RIC1: variants seen among roughly 807,000 people sequenced by gnomAD.
RIC1 encodes RIC1 partner of RAB6A GEF complex.
RIC1 carries 88 observed loss-of-function variants against 169.0 expected under a neutral mutation model. The observed-to-expected ratio is 0.52, with a 90% confidence interval of 0.44 to 0.62. The LOEUF is 0.62. Ranked by LOEUF, RIC1 falls within the 20% of genes least tolerant of loss-of-function variation. The pLI is 0.00. For missense variants in RIC1, 1,877 were observed against 1,725.5 expected, an observed-to-expected ratio of 1.09 and a Z score of -1.56; for synonymous variants, 790 against 601.5, an observed-to-expected ratio of 1.31 and a Z score of -4.59.
intron 2 of RIC1, among the ~76,000 whole-genome samples, chr9:5,678,112 C>G (rs895051041): frequency 8.6e-5 from 13 of 151,738 alleles, no homozygotes; most frequent in Admixed American, 7.2e-4. Flanking sequence ...TTTTTTTGTC[C>G]TTGGGATAGT....
rs1437878927 is a variant in RIC1 at position 5,754,851 on chromosome 9, T to C, written c.1613T>C (p.Met538Thr). 6 of 1,562,446 alleles carry C rather than the reference T, an allele frequency of 3.8e-6. No homozygotes were observed. In the Admixed American group the frequency reaches 6.8e-5, roughly 18 times the overall value. Residue 538 changes from methionine to threonine, a missense_variant, in exon 15 of 26, where the codon ATG becomes ACG. Met to Thr is a moderately conservative substitution (Grantham distance 81). Around this residue, in one of 3 missense-constraint regions of RIC1, gnomAD observed 1,104 missense variants for 992.0 expected, o/e 1.11. Transcript: ENST00000414202. ...AATTTTTATTTTAAGGAGCAAAATA[T>C]GATCGTGACAGGTGGCTTAGCCTGG... ...LFGNITQEQN[M>T]IVTGGLAWWN...
At position 5,721,485 on chromosome 9, in the gene RIC1, AC is replaced by A. The variant is rs1823585688; in HGVS notation, c.720+738del. Among the ~76,000 whole-genome samples the A allele has an allele frequency of 2.0e-5, 3 of 152,296 alleles. 1 individual carries two copies. The South Asian group carries it at 6.2e-4, about 32-fold the overall frequency. ...ACACGCTGAAGAGCCCCAGGGTCCT[AC>A]CCGCTGAACAAGGCGTGAACTTAAC... On this transcript the variant is annotated intron_variant, in intron 6 of 25. Coordinates refer to ENST00000414202, the MANE Select transcript of RIC1 (RefSeq NM_020829.4).
At chr9:5,682,148 G>A (rs1445993947) in intron 2 of RIC1, among the ~76,000 whole-genome samples, 1 of 152,130 alleles carries the variant, frequency 6.6e-6, no homozygotes, top group African/African-American at 2.4e-5. Flanking sequence ...GGAGCATTTA[G>A]CCCATTTACA....
At chr9:5,667,301 A>G (rs1819833509) in intron 2 of RIC1, among the ~76,000 whole-genome samples, 1 of 152,180 alleles carries the variant, frequency 6.6e-6, no homozygotes, top group African/African-American at 2.4e-5. Flanking sequence ...CAGCCTGGGC[A>G]ATAGAGCAAG....
Position 5,754,862 on chromosome 9 carries a change from G to C in RIC1, c.1624G>C (p.Gly542Arg), listed in dbSNP as rs777332081. 1 of 1,569,118 alleles carries C rather than the reference G, an allele frequency of 6.4e-7. No individual in the cohort carries two copies. The highest frequency in any genetic ancestry group is 1.2e-5 in the South Asian group (1 of 82,298). ...ITQEQNMIVT[G>R]GLAWWNDFMV... The stretch of plus-strand genomic sequence containing the variant: ...TAAGGAGCAAAATATGATCGTGACA[G>C]GTGGCTTAGCCTGGTGGAATGATTT... Residue 542 changes from glycine (G) to arginine (R), a missense_variant, in exon 15 of 26, where the codon GGT becomes CGT. Coordinates refer to ENST00000414202, the MANE Select transcript of RIC1 (RefSeq NM_020829.4).
chr9:5,715,332 T>C (rs530558993), intron 4 of RIC1, among the ~76,000 whole-genome samples: 123 of 152,060 alleles, frequency 8.1e-4, no homozygotes, highest in Non-Finnish European at 1.4e-3. Flanking sequence ...GGAAATAGAA[T>C]AGAAAAAGAG....
rs1326112214 is a variant in RIC1, at chr9:5,774,815, T to C, written c.*569T>C. Reference sequence around the variant, plus strand: ...TAGCCAGTCAAATCCCAGTCCAGAATTGATGGAAGCTATTTACCTGTGAGT... The same window carrying C: ...TAGCCAGTCAAATCCCAGTCCAGAACTGATGGAAGCTATTTACCTGTGAGT... On this transcript the variant is annotated 3_prime_UTR_variant, in exon 26 of 26. Coordinates refer to ENST00000414202, the MANE Select transcript of RIC1 (RefSeq NM_020829.4). The C allele has an allele frequency of 1.3e-5, 2 of 152,238 alleles. No individual in the cohort carries two copies. Among genetic ancestry groups the C allele is most frequent in the Admixed American group, 1.3e-4 (2 of 15,280 alleles). The allele number at this position is 152,238 out of a possible 1,614,324, so 9.4% of individuals were successfully genotyped here.
rs184825276 is a variant in RIC1, at chr9:5,662,520, T to A, written c.252+5830T>A. ...TATTACTTCTCAATTTCAGGACTCA[T>A]TATTGGTCTATTCAGAGATTCAGTT... is the stretch of plus-strand genomic sequence containing the variant. On this transcript the variant is annotated intron_variant, in intron 2 of 25. Transcript: ENST00000414202. Among the ~76,000 whole-genome samples the A allele has an allele frequency of 5.9e-5, 9 of 152,004 alleles. No homozygotes were observed. The East Asian group carries it at 1.7e-3, about 29-fold the overall frequency.
At chr9:5,722,993 T>C (rs1388574830) in intron 6 of RIC1, among the ~76,000 whole-genome samples, 2 of 152,232 alleles carry the variant, frequency 1.3e-5, no homozygotes, top group Admixed American at 6.5e-5. Context: ...GTCTTTGCTA[T>C]TTGAATAGTG....
chr9:5,685,391 G>C (rs1333663066), intron 2 of RIC1, among the ~76,000 whole-genome samples: 1 of 151,672 alleles, frequency 6.6e-6, no homozygotes. Context: ...CAAGGCTACA[G>C]TAACCAAAAC....
chr9:5,774,027 G>A lies in RIC1; in HGVS notation c.4053G>A (p.Glu1351=). Residue 1351 remains glutamate, a synonymous_variant, in exon 26 of 26, where the codon GAG becomes GAA. Coordinates refer to ENST00000414202, the MANE Select transcript of RIC1 (RefSeq NM_020829.4). ...AGAAGCTCAGTGAGATAACAGAAGA[G>A]CAGGTCCAGCCAGATGCCTTCCAAC... ...QLQKLSEITE[E]QVQPDAFQPI... 1 of 1,613,952 alleles carries A rather than the reference G, an allele frequency of 6.2e-7. No homozygotes were observed. Among genetic ancestry groups the A allele is most frequent in the Non-Finnish European group, 8.5e-7 (1 of 1,179,916 alleles).
rs1249341943 is a variant in RIC1 at position 5,629,129 on chromosome 9, G to A, written c.-181G>A. ...CCCACACTCGGCCCCGTCAGCTTGG[G>A]GGTGCCTTCGTCGCGCAGCCTTGCG... On this transcript the variant is annotated 5_prime_UTR_variant, in exon 1 of 26. Coordinates refer to ENST00000414202, the MANE Select transcript of RIC1 (RefSeq NM_020829.4). 2 of 436,912 alleles carry A rather than the reference G, an allele frequency of 4.6e-6. No homozygotes were observed. The highest frequency in any genetic ancestry group is 2.1e-5 in the African/African-American group (1 of 48,162). 27.1% of individuals were successfully genotyped at this position (436,912 alleles called of 1,614,324 possible).
intron 12 of RIC1, among the ~76,000 whole-genome samples, chr9:5,750,625 A>T (rs920851882): frequency 1.6e-4 from 25 of 151,832 alleles, no homozygotes; most frequent in Non-Finnish European, 2.9e-5. Context: ...AAAAATCATA[A>T]TAACAAATGA....
intron 2 of RIC1, among the ~76,000 whole-genome samples, chr9:5,662,478 T>TTG (rs1819513454): frequency 6.6e-6 from 1 of 151,654 alleles, no homozygotes; most frequent in African/African-American, 2.4e-5. Context: ...TTTTTTTTTT[T>TTG]GGGTTGCTAG....
intron 2 of RIC1, among the ~76,000 whole-genome samples, chr9:5,689,751 G>A (rs1821483079): frequency 6.6e-6 from 1 of 152,132 alleles, no homozygotes; most frequent in African/African-American, 2.4e-5. Context: ...TGATTTCACT[G>A]AAAGATTTTG....
chr9:5,745,309 C>G (rs1825314188), intron 10 of RIC1, among the ~76,000 whole-genome samples: 1 of 152,164 alleles, frequency 6.6e-6, no homozygotes, highest in Non-Finnish European at 1.5e-5. Context: ...TTGAGAATCA[C>G]TAATCTTTAA....
At chr9:5,772,856 C>G (rs1294872601) in intron 24 of RIC1, 36 bp from the exon 25 acceptor site, 2 of 1,588,342 alleles carry the variant, frequency 1.3e-6, no homozygotes, top group Admixed American at 3.4e-5. Context: ...ATAGATCTTT[C>G]TTAGCATAAA....
At chr9:5,710,075 A>G (rs1822844736) in intron 3 of RIC1, among the ~76,000 whole-genome samples, 1 of 152,190 alleles carries the variant, frequency 6.6e-6, no homozygotes, top group South Asian at 2.1e-4. Flanking sequence ...CTAAAAATCC[A>G]AAGAGAAAGA....
At chr9:5,754,537 T>C (rs1213173757) in intron 14 of RIC1, among the ~76,000 whole-genome samples, 1 of 152,104 alleles carries the variant, frequency 6.6e-6, no homozygotes, top group Non-Finnish European at 1.5e-5. Context: ...AAGACCAGCC[T>C]GGCCAACATG....
Sources: allele counts gnomAD v4.1 joint callset (sites outside exome capture counted in the v4.1 genomes callset), GRCh38; gene constraint gnomAD v4.1.1; regional missense constraint gnomAD v4.1.1; transcripts MANE v1.5; gene names NCBI Gene and HGNC (gene_info 2026-07-23, HGNC 2026-07-21).